Variants in ELP4 observed in about 807,000 individuals in gnomAD.
The protein encoded by ELP4 is elongator acetyltransferase complex subunit 4.
In ELP4, 51 loss-of-function variants were observed where a neutral mutation model predicts 48.9. The observed-to-expected ratio is 1.04, with a 90% CI of 0.83 to 1.32. ELP4 has a LOEUF of 1.32. Ranked by LOEUF, ELP4 falls within the 40% of genes most tolerant of loss-of-function variation. The probability of loss-of-function intolerance (pLI) is 0.00; values close to 1 mark genes in which losing one functional copy is unlikely to be tolerated. For missense variants in ELP4, 519 were observed against 514.6 expected (o/e 1.01, Z -0.08); for synonymous variants, 210 against 189.2 (o/e 1.11, Z -0.90).
intron 3 of ELP4, among the ~76,000 whole-genome samples, chr11:31,548,604 A>G (rs900955587): frequency 2.6e-5 from 4 of 152,188 alleles, no homozygotes; most frequent in Non-Finnish European, 4.4e-5. Flanking sequence ...CAAGCTACCA[A>G]TGACTTTCTT....
intron 2 of ELP4, among the ~76,000 whole-genome samples, chr11:31,527,486 CTG>C (rs1956315591): frequency 6.6e-6 from 1 of 152,086 alleles, no homozygotes; most frequent in South Asian, 2.1e-4. Context: ...TCTTCTATAT[CTG>C]TTTCTCTTCC....
intron 1 of ELP4, among the ~76,000 whole-genome samples, chr11:31,519,550 C>A (rs1392553168): frequency 6.6e-6 from 1 of 152,124 alleles, no homozygotes; most frequent in Non-Finnish European, 1.5e-5. Context: ...GGCCTGGTGG[C>A]TCACTGGCTC....
chr11:31,718,143 C>A (rs373913301), intron 9 of ELP4, among the ~76,000 whole-genome samples: 2 of 152,262 alleles, frequency 1.3e-5, no homozygotes, highest in East Asian at 3.9e-4. Flanking sequence ...ATGTTTATTT[C>A]TGAATATAGG....
At chr11:31,596,098 A>G (rs1019366592) in intron 4 of ELP4, among the ~76,000 whole-genome samples, 6 of 152,174 alleles carry the variant, frequency 3.9e-5, no homozygotes, top group Non-Finnish European at 8.8e-5. Flanking sequence ...AGCACTTCAT[A>G]TATTTTAAAA....
chr11:31,549,846 A>G (rs1257183645), intron 3 of ELP4, among the ~76,000 whole-genome samples: 1 of 152,238 alleles, frequency 6.6e-6, no homozygotes, highest in African/African-American at 2.4e-5. Flanking sequence ...AGGGACATGG[A>G]TGAAATTGGA....
At chr11:31,560,421 CT>C (rs1436833377) in intron 3 of ELP4, among the ~76,000 whole-genome samples, 1 of 151,780 alleles carries the variant, frequency 6.6e-6, no homozygotes, top group African/African-American at 2.4e-5. Context: ...ACTTTTAATA[CT>C]TAAAAGAATT....
chr11:31,648,955 A>G (rs1183962367), intron 8 of ELP4: 1 of 151,698 alleles, frequency 6.6e-6, no homozygotes, highest in Non-Finnish European at 1.5e-5. Flanking sequence ...AGGTTAAAAT[A>G]AGAAACGTAC....
At chr11:31,538,287 A>G (rs976829994) in intron 2 of ELP4, among the ~76,000 whole-genome samples, 5 of 148,696 alleles carry the variant, frequency 3.4e-5, no homozygotes, top group Non-Finnish European at 5.9e-5. Flanking sequence ...ATATAATTAT[A>G]GAATTACAAT....
chr11:31,547,231 A>G (rs183009816), intron 3 of ELP4, among the ~76,000 whole-genome samples: 190 of 152,314 alleles, frequency 1.2e-3, no homozygotes, highest in African/African-American at 4.3e-3. Context: ...AAATTGATAG[A>G]CTGCTAGCAA....
At chr11:31,519,829 CAAAAA>C (rs1045221587) in intron 1 of ELP4, among the ~76,000 whole-genome samples, 1 of 76,038 alleles carries the variant, frequency 1.3e-5, no homozygotes, top group Non-Finnish European at 2.7e-5. Context: ...GACTCCATCT[CAAAAA>C]AAAAAAAAAA....
At chr11:31,679,862 C>T (rs754766442) in intron 9 of ELP4, among the ~76,000 whole-genome samples, 20 of 152,118 alleles carry the variant, frequency 1.3e-4, no homozygotes, top group Non-Finnish European at 4.4e-5. Flanking sequence ...ATTTATAGAT[C>T]AAGTTGGAAA....
At chr11:31,733,967 AC>A (rs1947249359) in intron 9 of ELP4, among the ~76,000 whole-genome samples, 1 of 152,228 alleles carries the variant, frequency 6.6e-6, no homozygotes, top group Non-Finnish European at 1.5e-5. Context: ...AAAATCTTCA[AC>A]AAAAAACCTA....
At chr11:31,738,786 T>C (rs1947381253) in intron 9 of ELP4, among the ~76,000 whole-genome samples, 1 of 152,068 alleles carries the variant, frequency 6.6e-6, no homozygotes, top group Non-Finnish European at 1.5e-5. Context: ...TGGATGAATC[T>C]TGAGGACATT....
At chr11:31,747,045 G>A (rs1458499206) in intron 9 of ELP4, among the ~76,000 whole-genome samples, 2 of 152,034 alleles carry the variant, frequency 1.3e-5, no homozygotes, top group Non-Finnish European at 2.9e-5. Flanking sequence ...GTGTGTGTGT[G>A]TGTGTGTGTT....
Position 31,509,779 on chromosome 11 carries a change from T to C in ELP4, c.-6T>C. 1 of 1,613,850 alleles carries C rather than the reference T, an allele frequency of 6.2e-7. No individual in the cohort carries two copies. Among genetic ancestry groups the C allele is most frequent in the Non-Finnish European group, 8.5e-7 (1 of 1,179,978 alleles). The stretch of plus-strand genomic sequence containing the variant: ...TTCCTATTGGGTTAACACTGGAGGC[T>C]CTAAGATGGCGGCAGTGGCAACCTG... On this transcript the variant is annotated 5_prime_UTR_variant, in exon 1 of 10. Coordinates refer to ENST00000640961, the MANE Select transcript of ELP4 (RefSeq NM_019040.5).
chr11:31,530,014 C>G (rs963988528), intron 2 of ELP4, among the ~76,000 whole-genome samples: 1 of 152,132 alleles, frequency 6.6e-6, no homozygotes, highest in Admixed American at 6.6e-5. Flanking sequence ...TGATCTCTGC[C>G]ACTCTTCTTT....
rs139099682 is a variant in ELP4, at chr11:31,652,648, T to C, written c.1143+2427T>C. 4.2e-3 allele frequency: 645 copies of C among 151,912 alleles called. 4 individuals are homozygous for C. Among genetic ancestry groups the C allele is most frequent in the African/African-American group, 0.015 (608 of 41,516 alleles). 9.4% of individuals were successfully genotyped at this position (151,912 alleles called of 1,614,324 possible). On this transcript the variant is annotated intron_variant, in intron 9 of 9. Coordinates refer to ENST00000640961, the MANE Select transcript of ELP4 (RefSeq NM_019040.5). ...TGTAACCTTACTAGCCTGTAAAGTC[T>C]GAGACTAAAATAGGTAGTCTACTGA...
chr11:31,523,165 T>A (rs1010745225), intron 2 of ELP4, among the ~76,000 whole-genome samples: 1 of 152,062 alleles, frequency 6.6e-6, no homozygotes. Context: ...AGCCACTGCA[T>A]CTGGCCCCAG....
rs370676400 is a variant in ELP4 at position 31,741,837 on chromosome 11, G to A, written c.1144-41556G>A. Among the ~76,000 whole-genome samples, 27 of 152,264 alleles carry A rather than the reference G, an allele frequency of 1.8e-4. 1 individual carries two copies. The highest frequency in any genetic ancestry group is 1.5e-3 in the South Asian group (7 of 4,826). The stretch of plus-strand genomic sequence containing the variant: ...AACTGGAAACTCTAAAAATCACAGC[G>A]CCTCTCCTTCTGCAAAGGAACGCAG... On this transcript the variant is annotated intron_variant, in intron 9 of 9. Transcript: ENST00000640961.
Sources: allele counts gnomAD v4.1 joint callset (sites outside exome capture counted in the v4.1 genomes callset), GRCh38; gene constraint gnomAD v4.1.1; transcripts MANE v1.5; gene names NCBI Gene and HGNC (gene_info 2026-07-23, HGNC 2026-07-21).